Variants in KAZN observed in about 807,000 individuals in gnomAD.
KAZN encodes the protein kazrin.
In KAZN, 40 loss-of-function variants were observed where a neutral mutation model predicts 87.4. That is an observed-to-expected ratio of 0.46 (90% confidence interval 0.36 to 0.60). The LOEUF (loss-of-function observed/expected upper bound fraction) is 0.60. Ranked by LOEUF, KAZN falls within the 20% of genes least tolerant of loss-of-function variation. The probability of loss-of-function intolerance (pLI) is 0.00; values close to 1 mark genes in which losing one functional copy is unlikely to be tolerated. For synonymous variants in KAZN, 466 were observed against 458.3 expected (o/e 1.02, Z -0.22); for missense variants, 898 against 1,073.9 (o/e 0.84, Z 2.29).
chr1:14,474,698 T>G (rs1668626381), intron 2 of KAZN, among the ~76,000 whole-genome samples: 1 of 152,166 alleles, frequency 6.6e-6, no homozygotes, highest in South Asian at 2.1e-4. Context: ...GTAGCTGTGA[T>G]GAAAATGGAC....
intron 1 of KAZN, among the ~76,000 whole-genome samples, chr1:13,993,782 G>T (rs575733729): frequency 1.4e-3 from 210 of 152,274 alleles, no homozygotes; most frequent in Non-Finnish European, 2.6e-3. Flanking sequence ...TGACTGTGAG[G>T]GTCAGGGGTG....
chr1:14,028,304 C>A (rs1641171264), intron 1 of KAZN, among the ~76,000 whole-genome samples: 2 of 152,138 alleles, frequency 1.3e-5, no homozygotes, highest in African/African-American at 4.8e-5. Context: ...TACAAATGAT[C>A]CAGCGTCATG....
intron 1 of KAZN, among the ~76,000 whole-genome samples, chr1:14,791,272 C>T (rs1282646372): frequency 1.3e-5 from 2 of 152,174 alleles, no homozygotes; most frequent in African/African-American, 4.8e-5. Context: ...GGCATCTTCC[C>T]GCCAGCTTGG....
intron 8 of KAZN, among the ~76,000 whole-genome samples, chr1:15,075,587 A>G (rs1458321281): frequency 6.6e-6 from 1 of 152,208 alleles, no homozygotes; most frequent in East Asian, 1.9e-4. Flanking sequence ...TAAGCATGCC[A>G]CCATTATTTA....
chr1:14,471,465 C>T (rs150967734), intron 2 of KAZN, among the ~76,000 whole-genome samples: 7 of 152,234 alleles, frequency 4.6e-5, no homozygotes, highest in African/African-American at 1.7e-4. Context: ...GACATTGCAT[C>T]GACTTTGGCT....
At chr1:14,581,574 A>AC (rs2148563449) in intron 2 of KAZN, among the ~76,000 whole-genome samples, 1 of 152,160 alleles carries the variant, frequency 6.6e-6, no homozygotes, top group East Asian at 1.9e-4. Flanking sequence ...TCTACTCAAC[A>AC]CCGGTCAGTG....
intron 1 of KAZN, among the ~76,000 whole-genome samples, chr1:14,680,234 G>A (rs1358256134): frequency 1.3e-5 from 2 of 152,102 alleles, no homozygotes; most frequent in African/African-American, 2.4e-5. Context: ...TACACTGATG[G>A]TAATTCACAC....
Position 14,773,478 on chromosome 1 carries a change from G to A in KAZN, c.226+174255G>A, listed in dbSNP as rs1340192725. Among the ~76,000 whole-genome samples the A allele has an allele frequency of 1.3e-5, 2 of 152,122 alleles. No individual in the cohort carries two copies. Among genetic ancestry groups the A allele is most frequent in the African/African-American group, 2.4e-5 (1 of 41,432 alleles). Reference sequence around the variant, plus strand: ...TAAGGTGTGAAACGTAAACACCCCCGAGGGAGGAAGGCCCTTCCAGAGTGG... The same window carrying A: ...TAAGGTGTGAAACGTAAACACCCCCAAGGGAGGAAGGCCCTTCCAGAGTGG... On this transcript the variant is annotated intron_variant, in intron 1 of 14. Coordinates refer to ENST00000376030, the MANE Select transcript of KAZN (RefSeq NM_201628.3). The surrounding 1 kb of genome is among the most constrained non-coding windows in gnomAD (Gnocchi z 5.9).
chr1:13,958,506 A>G (rs1441987156), intron 1 of KAZN, among the ~76,000 whole-genome samples: 3 of 151,164 alleles, frequency 2.0e-5, no homozygotes, highest in Non-Finnish European at 2.9e-5. Flanking sequence ...CCCGGGAGGC[A>G]GAGCTTGCCA....
At chr1:14,713,390 G>A (rs1642591004) in intron 1 of KAZN, among the ~76,000 whole-genome samples, 1 of 152,186 alleles carries the variant, frequency 6.6e-6, no homozygotes, top group Non-Finnish European at 1.5e-5. Flanking sequence ...ATCTTTAACA[G>A]CACAATCATT....
intron 1 of KAZN, among the ~76,000 whole-genome samples, chr1:14,617,787 T>A (rs1189619868): frequency 1.3e-5 from 2 of 152,174 alleles, no homozygotes; most frequent in East Asian, 3.8e-4. Context: ...TAGTTAAAAT[T>A]GGAGTCTTGG....
At chr1:14,882,322 A>G (rs1388416208) in intron 1 of KAZN, among the ~76,000 whole-genome samples, 3 of 152,226 alleles carry the variant, frequency 2.0e-5, no homozygotes, top group Admixed American at 6.5e-5. Context: ...TGCTTTAGCC[A>G]GGACTATTTT....
chr1:15,019,943 C>G (rs565218403), intron 2 of KAZN, among the ~76,000 whole-genome samples: 1 of 152,270 alleles, frequency 6.6e-6, no homozygotes, highest in East Asian at 1.9e-4. Context: ...ATGTCCTCCC[C>G]CTTAACTAAC....
chr1:13,903,364 G>A (rs1309852960), intron 1 of KAZN, among the ~76,000 whole-genome samples: 4 of 152,214 alleles, frequency 2.6e-5, no homozygotes, highest in African/African-American at 4.8e-5. Context: ...CATCTGAAAA[G>A]TAACTGCGTT....
intron 1 of KAZN, among the ~76,000 whole-genome samples, chr1:14,154,249 T>G (rs531027287): frequency 2.0e-5 from 3 of 152,252 alleles, no homozygotes; most frequent in Non-Finnish European, 4.4e-5. Flanking sequence ...TTTAATGTTC[T>G]TTGTTGCTAT....
At chr1:14,138,017 G>A (rs759539913) in intron 1 of KAZN, among the ~76,000 whole-genome samples, 8 of 151,922 alleles carry the variant, frequency 5.3e-5, no homozygotes, top group East Asian at 1.9e-4. Context: ...ATAATAGTAC[G>A]GGCTTTGCAA....
intron 1 of KAZN, among the ~76,000 whole-genome samples, chr1:14,079,872 C>G (rs1457537415): frequency 2.0e-5 from 3 of 150,978 alleles, no homozygotes; most frequent in East Asian, 3.9e-4. Context: ...ATGACCCAAA[C>G]CCCCACCACT....
intron 1 of KAZN, among the ~76,000 whole-genome samples, chr1:14,075,120 T>G (rs1643402107): frequency 6.6e-6 from 1 of 152,224 alleles, no homozygotes; most frequent in South Asian, 2.1e-4. Context: ...TATTGCTAAT[T>G]ATTTGTATTA....
intron 1 of KAZN, among the ~76,000 whole-genome samples, chr1:14,784,262 C>A (rs1453907162): frequency 6.6e-6 from 1 of 152,128 alleles, no homozygotes; most frequent in Non-Finnish European, 1.5e-5. Context: ...TGAAGCCAAC[C>A]GATTATGGGT....
Sources: gnomAD v4.1 joint callset for allele counts (sites outside exome capture counted in the v4.1 genomes callset) on GRCh38, gnomAD v4.1.1 for gene constraint, Gnocchi (gnomAD v3.1) non-coding constraint, MANE v1.5 for transcripts, NCBI Gene and HGNC (gene_info 2026-07-23, HGNC 2026-07-21) for gene names.